The following MAP3K5 variants were observed in gnomAD, a reference collection of about 807,000 sequenced individuals.
MAP3K5 encodes ASK-1.
A neutral mutation model predicts 158.7 loss-of-function variants in MAP3K5; 56 were observed. The ratio of observed to expected loss-of-function variants is 0.35; its 90% CI spans 0.28 to 0.44. The LOEUF (loss-of-function observed/expected upper bound fraction) is 0.44. Ranked by LOEUF, MAP3K5 falls within the 20% of genes least tolerant of loss-of-function variation. The probability of loss-of-function intolerance (pLI) is 1.00; values close to 1 mark genes in which losing one functional copy is unlikely to be tolerated. For synonymous variants in MAP3K5, 579 were observed against 601.7 expected (o/e 0.96, Z 0.55); for missense variants, 1,294 against 1,674.8 (o/e 0.77, Z 3.97).
chr6:136,731,843 G>C (rs2114831792), intron 1 of MAP3K5, among the ~76,000 whole-genome samples: 1 of 152,284 alleles, frequency 6.6e-6, no homozygotes, highest in South Asian at 2.1e-4. Context: ...GTCCATGGTA[G>C]GCACCTTTAC....
chr6:136,580,536 C>T lies in MAP3K5; in HGVS notation c.3412-130G>A. On this transcript the variant is annotated intron_variant, in intron 24 of 29. Coordinates refer to ENST00000359015, the MANE Select transcript of MAP3K5 (RefSeq NM_005923.4). ...TCTTCAACTTGAATTCTTTGTAATT[C>T]TTTATGTCATTGGAAAACAAAGTAA... The T allele has an allele frequency of 7.3e-6, 4 of 547,972 alleles. 1 individual carries two copies. Among genetic ancestry groups the T allele is most frequent in the Middle Eastern group, 6.1e-4 (2 of 3,264 alleles). The allele number at this position is 547,972 out of a possible 1,614,324, so 33.9% of individuals were successfully genotyped here. A position where few individuals can be genotyped will look rare whatever the true frequency, so the allele number is the denominator to read the frequency against.
intron 7 of MAP3K5, among the ~76,000 whole-genome samples, 171 bp from the exon 8 acceptor site, chr6:136,669,566 T>C (rs982617091): frequency 1.3e-5 from 2 of 152,172 alleles, no homozygotes; most frequent in Non-Finnish European, 2.9e-5. Flanking sequence ...ACTGCTTATC[T>C]TTGTCCACAG....
At chr6:136,764,488 T>G (rs1486803073) in intron 1 of MAP3K5, among the ~76,000 whole-genome samples, 1 of 152,186 alleles carries the variant, frequency 6.6e-6, no homozygotes, top group African/African-American at 2.4e-5. Flanking sequence ...CTTCCAGTCA[T>G]GGGAATGAAC....
intron 2 of MAP3K5, among the ~76,000 whole-genome samples, chr6:136,706,895 C>T (rs148724114): frequency 1.3e-5 from 2 of 152,340 alleles, no homozygotes; most frequent in South Asian, 2.1e-4. Flanking sequence ...GCCTGTAAAT[C>T]TCAGCGCTTT....
At chr6:136,711,912 C>T (rs554674492) in intron 2 of MAP3K5, among the ~76,000 whole-genome samples, 2 of 152,238 alleles carry the variant, frequency 1.3e-5, no homozygotes, top group East Asian at 3.9e-4. Context: ...CTCTGTTATT[C>T]ATGACGGGGG....
In MAP3K5 at chr6:136,613,988, T is replaced by G. The variant is rs1310846660; in HGVS notation, c.2278+171A>C. On this transcript the variant is annotated intron_variant, in intron 16 of 29. Coordinates refer to ENST00000359015, the MANE Select transcript of MAP3K5 (RefSeq NM_005923.4). This position sits in a 1 kb window ranked among gnomAD's most constrained non-coding sequence, Gnocchi z 4.0. ...TCTATACATTAGGATATTTTCTAAA[T>G]CTCATCATTTATGGTTGACATCTCC... Among the ~76,000 whole-genome samples the G allele has an allele frequency of 6.6e-6, 1 of 152,216 alleles. No homozygotes were observed. The highest frequency in any genetic ancestry group is 2.4e-5 in the African/African-American group (1 of 41,450).
At chr6:136,744,910 T>G (rs1301541841) in intron 1 of MAP3K5, among the ~76,000 whole-genome samples, 1 of 152,202 alleles carries the variant, frequency 6.6e-6, no homozygotes, top group African/African-American at 2.4e-5. Flanking sequence ...GGAAGCTGAT[T>G]TAAAGACACT....
intron 8 of MAP3K5, among the ~76,000 whole-genome samples, chr6:136,661,527 C>G (rs540012113): frequency 5.9e-5 from 9 of 152,152 alleles, no homozygotes; most frequent in African/African-American, 1.2e-4. Context: ...TCCCAGGTAG[C>G]TGGGAGTACA....
intron 1 of MAP3K5, among the ~76,000 whole-genome samples, chr6:136,728,439 T>C (rs1179772609): frequency 6.6e-6 from 1 of 152,184 alleles, no homozygotes; most frequent in Non-Finnish European, 1.5e-5. Context: ...AGTCCTGTTA[T>C]ACAGCTAGGA....
chr6:136,711,482 C>T (rs770912505), intron 2 of MAP3K5, among the ~76,000 whole-genome samples: 7 of 151,958 alleles, frequency 4.6e-5, no homozygotes, highest in South Asian at 2.1e-4. Context: ...CTGGGAAACA[C>T]GGCAAAACCC....
chr6:136,775,008 G>C (rs1784351438), intron 1 of MAP3K5, among the ~76,000 whole-genome samples: 1 of 151,964 alleles, frequency 6.6e-6, no homozygotes, highest in Non-Finnish European at 1.5e-5. Flanking sequence ...ATCTCCCAAA[G>C]AATCAAGCAT....
At chr6:136,739,366 T>C (rs1036949566) in intron 1 of MAP3K5, among the ~76,000 whole-genome samples, 5 of 152,020 alleles carry the variant, frequency 3.3e-5, no homozygotes, top group African/African-American at 7.3e-5. Flanking sequence ...ACAATAACAA[T>C]AGTCTTTGTC....
intron 14 of MAP3K5, among the ~76,000 whole-genome samples, chr6:136,633,631 CA>C (rs1469595557): frequency 6.6e-6 from 1 of 152,026 alleles, no homozygotes; most frequent in Non-Finnish European, 1.5e-5. Context: ...TGAAAGAAGC[CA>C]AATCCCACCC....
At position 136,605,236 on chromosome 6, in the gene MAP3K5, C is replaced by G. The variant is rs766065390; in HGVS notation, c.2652G>C (p.Leu884=). The part of the protein sequence containing the change: ...MATGKPPFYE[L]GEPQAAMFKV... ...TGAACATAGCTGCTTGTGGTTCTCC[C>G]AGTTCATAAAATGGGGGTTTTCCTG... The change falls in exon 19 of 30, where the codon CTG becomes CTC. Residue 884 remains leucine (L), a synonymous_variant. Coordinates refer to ENST00000359015, the MANE Select transcript of MAP3K5 (RefSeq NM_005923.4). The G allele has an allele frequency of 1.2e-6, 2 of 1,614,002 alleles. No individual in the cohort carries two copies. Among genetic ancestry groups the G allele is most frequent in the Non-Finnish European group, 1.7e-6 (2 of 1,179,960 alleles).
chr6:136,708,969 A>T (rs1395348149), intron 2 of MAP3K5, among the ~76,000 whole-genome samples: 2 of 152,134 alleles, frequency 1.3e-5, no homozygotes, highest in African/African-American at 4.8e-5. Context: ...CCTCTGTGCA[A>T]TGTATAAGAA....
At chr6:136,770,789 T>G (rs1170695406) in intron 1 of MAP3K5, among the ~76,000 whole-genome samples, 1 of 152,076 alleles carries the variant, frequency 6.6e-6, no homozygotes, top group African/African-American at 2.4e-5. Flanking sequence ...AAATGAATAC[T>G]TCTCGGATAT....
intron 7 of MAP3K5, among the ~76,000 whole-genome samples, chr6:136,679,049 T>C (rs943130102): frequency 6.6e-6 from 1 of 152,228 alleles, no homozygotes; most frequent in Non-Finnish European, 1.5e-5. Flanking sequence ...TAATTTGCAC[T>C]ATTTAATTCA....
intron 25 of MAP3K5, among the ~76,000 whole-genome samples, chr6:136,574,566 A>G (rs1774513867): frequency 6.6e-6 from 1 of 152,194 alleles, no homozygotes; most frequent in African/African-American, 2.4e-5. Flanking sequence ...GCTGCCAATA[A>G]TCTAAAGGCT....
rs774284829 is a variant in MAP3K5, at chr6:136,561,564, A to G, written c.3956T>C (p.Val1319Ala). The G allele has an allele frequency of 2.5e-6, 4 of 1,613,408 alleles. No homozygotes were observed. In the African/African-American group the frequency reaches 5.3e-5, roughly 22 times the overall value. Residue 1319 changes from valine to alanine, a missense_variant, in exon 28 of 30, where the codon GTG (valine) becomes GCG (alanine). Transcript: ENST00000359015. ...EDSELTDWLR[V>A]NGADEDTISR... The stretch of plus-strand genomic sequence containing the variant: ...TATAGTGTCTTCATCAGCTCCATTC[A>G]CTCTCAGCCAGTCGGTAAGTTCAGA...
Sources: gnomAD v4.1 joint callset for allele counts (sites outside exome capture counted in the v4.1 genomes callset) on GRCh38, gnomAD v4.1.1 for gene constraint, Gnocchi (gnomAD v3.1) non-coding constraint, MANE v1.5 for transcripts, NCBI Gene and HGNC (gene_info 2026-07-23, HGNC 2026-07-21) for gene names.